Variants in SFMBT1 observed in about 807,000 individuals in gnomAD.
SFMBT1 encodes Scm like with four mbt domains 1.
SFMBT1 carries 32 observed loss-of-function variants against 108.7 expected under a neutral mutation model. The observed-to-expected ratio is 0.29, with a 90% confidence interval of 0.22 to 0.40. SFMBT1 has a LOEUF of 0.40. SFMBT1 is among the 10% of genes least tolerant of loss of function. SFMBT1 has a pLI of 1.00. For missense variants in SFMBT1, 816 were observed against 1,059.6 expected, an observed-to-expected ratio of 0.77 and a Z score of 3.19; for synonymous variants, 348 against 369.5, an observed-to-expected ratio of 0.94 and a Z score of 0.67.
chr3:53,025,179 T>C (rs1259778388), intron 1 of SFMBT1, among the ~76,000 whole-genome samples: 1 of 152,138 alleles, frequency 6.6e-6, no homozygotes, highest in Non-Finnish European at 1.5e-5. Flanking sequence ...ATTATCAAAA[T>C]GTAAATTTTC....
chr3:52,958,307 C>G (rs1213195550), intron 2 of SFMBT1, among the ~76,000 whole-genome samples: 2 of 152,162 alleles, frequency 1.3e-5, no homozygotes, highest in African/African-American at 2.4e-5. Context: ...AGCCAAGAAA[C>G]AGGCTGGGCA....
At chr3:53,009,629 C>G (rs192046005) in intron 1 of SFMBT1, among the ~76,000 whole-genome samples, 133 of 152,218 alleles carry the variant, frequency 8.7e-4, no homozygotes, top group African/African-American at 3.1e-3. Context: ...GACCCTTGAA[C>G]AACACAGGCG....
chr3:53,035,596 G>T (rs954027803), intron 1 of SFMBT1, among the ~76,000 whole-genome samples: 1 of 152,148 alleles, frequency 6.6e-6, no homozygotes, highest in African/African-American at 2.4e-5. Context: ...AGTCAGCAGA[G>T]ACTTAAGTAA....
At chr3:52,987,957 T>G (rs972626255) in intron 1 of SFMBT1, among the ~76,000 whole-genome samples, 1 of 152,212 alleles carries the variant, frequency 6.6e-6, no homozygotes. Flanking sequence ...AACACTGAAT[T>G]TAGCCAAAAG....
intron 1 of SFMBT1, chr3:53,043,053 T>C (rs1223541770): frequency 6.6e-6 from 1 of 152,234 alleles, no homozygotes; most frequent in African/African-American, 2.4e-5. Context: ...CCTTAGAACA[T>C]TCCCAACTTT....
At chr3:53,038,255 T>G (rs1349850063) in intron 1 of SFMBT1, among the ~76,000 whole-genome samples, 2 of 152,190 alleles carry the variant, frequency 1.3e-5, no homozygotes, top group Non-Finnish European at 2.9e-5. Context: ...CCCTAACCAT[T>G]GACTTTTACT....
rs1024614107 is a variant in SFMBT1, at chr3:53,031,518, A to G, written c.-131+14298T>C. Among the ~76,000 whole-genome samples, 4 of 152,344 alleles carry G rather than the reference A, an allele frequency of 2.6e-5. No individual in the cohort carries two copies. In the South Asian group the frequency reaches 8.3e-4, roughly 32 times the overall value. On this transcript the variant is annotated intron_variant, in intron 1 of 20. Transcript: ENST00000394752. The stretch of plus-strand genomic sequence containing the variant: ...AAAACATTCATCAAAATAGATATTT[A>G]AAGCAGCAAAATATGACAAAATACT...
At chr3:52,972,879 C>CTGAG (rs1030334153) in intron 1 of SFMBT1, among the ~76,000 whole-genome samples, 1 of 148,916 alleles carries the variant, frequency 6.7e-6, no homozygotes, top group African/African-American at 2.5e-5. Flanking sequence ...CACACACTAG[C>CTGAG]TGAGTGTGGT....
intron 1 of SFMBT1, among the ~76,000 whole-genome samples, chr3:52,974,512 G>A (rs1401644325): frequency 1.3e-5 from 2 of 151,972 alleles, no homozygotes; most frequent in African/African-American, 4.8e-5. Context: ...CCTTCCATTT[G>A]TCAAATGCCA....
chr3:52,912,846 CT>C (rs1343310158), intron 15 of SFMBT1, among the ~76,000 whole-genome samples, 199 bp from the exon 16 acceptor site: 1 of 152,140 alleles, frequency 6.6e-6, no homozygotes, highest in Non-Finnish European at 1.5e-5. Context: ...TAACCAGATC[CT>C]TTTCAACATT....
At chr3:52,977,140 G>T (rs1704544813) in intron 1 of SFMBT1, among the ~76,000 whole-genome samples, 1 of 152,038 alleles carries the variant, frequency 6.6e-6, no homozygotes, top group Admixed American at 6.6e-5. Context: ...CTCATTTCAG[G>T]GCATACACAG....
intron 3 of SFMBT1, among the ~76,000 whole-genome samples, chr3:52,952,505 G>C (rs922299105): frequency 2.6e-5 from 4 of 152,140 alleles, no homozygotes; most frequent in African/African-American, 9.7e-5. Context: ...TCCATCTGGG[G>C]TGCTACACCA....
intron 1 of SFMBT1, among the ~76,000 whole-genome samples, chr3:53,019,713 T>C (rs964839164): frequency 5.3e-5 from 8 of 152,190 alleles, no homozygotes; most frequent in East Asian, 1.9e-4. Flanking sequence ...ACCTAGACTA[T>C]TGCAGCGACC....
In SFMBT1 at chr3:52,907,120, C is replaced by T. The variant is rs774510358; in HGVS notation, c.2280G>A (p.Glu760=). The T allele has an allele frequency of 1.2e-6, 2 of 1,614,128 alleles. No individual in the cohort carries two copies. Among genetic ancestry groups the T allele is most frequent in the East Asian group, 2.2e-5 (1 of 44,884 alleles). Residue 760 remains glutamate (E), a synonymous_variant, in exon 19 of 21, where the codon GAG becomes GAA. Coordinates refer to ENST00000394752, the MANE Select transcript of SFMBT1 (RefSeq NM_016329.4). ...CGTCAGAAAATGAAAAGGTGCGAAG[C>T]TCCCTTTTTCTCCTTTGTCTATCTG... The part of the protein sequence containing the change: ...LPPDRQRRKR[E]LRTFSFSDDE...
At chr3:52,937,274 A>G (rs1453266017) in intron 4 of SFMBT1, among the ~76,000 whole-genome samples, 2 of 151,790 alleles carry the variant, frequency 1.3e-5, no homozygotes, top group Non-Finnish European at 2.9e-5. Context: ...TTTTTTTGTT[A>G]TTGTTGTCCT....
At chr3:52,930,842 C>T (rs1401241848) in intron 7 of SFMBT1, 99 bp downstream of exon 7, 2 of 896,968 alleles carry the variant, frequency 2.2e-6, no homozygotes, top group Non-Finnish European at 3.6e-6. Flanking sequence ...CCATGGCATT[C>T]TTACCGACTG....
intron 4 of SFMBT1, among the ~76,000 whole-genome samples, chr3:52,941,899 A>C (rs1024945694): frequency 9.9e-5 from 15 of 152,104 alleles, no homozygotes; most frequent in Non-Finnish European, 1.5e-4. Flanking sequence ...ATTCTGTCTC[A>C]AAAAAATAAA....
At chr3:53,023,904 G>A (rs140076622) in intron 1 of SFMBT1, among the ~76,000 whole-genome samples, 4 of 152,314 alleles carry the variant, frequency 2.6e-5, no homozygotes, top group African/African-American at 7.2e-5. Flanking sequence ...GGCCAGGGTA[G>A]GGAGCTATGC....
At position 52,936,944 on chromosome 3, in the gene SFMBT1, C is replaced by T. The variant is rs1703028050; in HGVS notation, c.365-2043G>A. On this transcript the variant is annotated intron_variant, in intron 4 of 20. Coordinates refer to ENST00000394752, the MANE Select transcript of SFMBT1 (RefSeq NM_016329.4). ...AGTCTTGCTCTGTCCCAGGTTCACG[C>T]CATTCTCCTGCCTCAGCCTCCTGAG... Among the ~76,000 whole-genome samples, 4 of 148,010 alleles carry T rather than the reference C, an allele frequency of 2.7e-5. No homozygotes were observed. In the Admixed American group the frequency reaches 2.7e-4, roughly 10 times the overall value.
Sources: gnomAD v4.1 joint callset for allele counts (sites outside exome capture counted in the v4.1 genomes callset) on GRCh38, gnomAD v4.1.1 for gene constraint, MANE v1.5 for transcripts, NCBI Gene and HGNC (gene_info 2026-07-23, HGNC 2026-07-21) for gene names.